Variants in LRRC61 observed in about 807,000 individuals in gnomAD.
LRRC61 encodes leucine rich repeat containing 61.
In LRRC61, 9 loss-of-function variants were observed where a neutral mutation model predicts 15.1. The observed-to-expected ratio is 0.60, with a 90% CI of 0.36 to 1.04. LRRC61 has a LOEUF of 1.04. LRRC61 is among the 50% of genes least tolerant of loss of function. The pLI, the probability that LRRC61 is intolerant of heterozygous loss-of-function variation, is 0.01. For synonymous variants in LRRC61, 173 were observed against 158.6 expected (o/e 1.09, Z -0.68); for missense variants, 344 against 335.6 (o/e 1.03, Z -0.20).
At chr7:150,314,850 G>A in the LRRC61 span, among the ~76,000 whole-genome samples, 1 of 149,764 alleles carries the variant, frequency 6.7e-6, no homozygotes, top group East Asian at 1.9e-4. Context: ...TACTCACAAG[G>A]CGGAGGCGAG....
rs1798170819 is a variant in LRRC61, at chr7:150,333,224, C to G, written c.-144-3494C>G. Among the ~76,000 whole-genome samples, 1 of 152,186 alleles carries G rather than the reference C, an allele frequency of 6.6e-6. No homozygotes were observed. Among genetic ancestry groups the G allele is most frequent in the Non-Finnish European group, 1.5e-5 (1 of 68,026 alleles). On this transcript the variant is annotated intron_variant, in intron 2 of 2. Transcript: ENST00000359623. This position sits in a 1 kb window ranked among gnomAD's most constrained non-coding sequence, Gnocchi z 4.3. ...GGAAGAGGGTGAGAGAGCTTGATGG[C>G]ACCGAACCAGGGGGCTTGGGCTCTA... is the stretch of plus-strand genomic sequence containing the variant.
At chr7:150,323,715 C>G in intron 1 of LRRC61, 155 bp downstream of exon 1, 1 of 455,556 alleles carries the variant, frequency 2.2e-6, no homozygotes, top group South Asian at 1.5e-5. Flanking sequence ...CCTTACCCAT[C>G]TCTCCCTCTG....
intron 2 of LRRC61, chr7:150,332,176 A>G (rs1357941655): frequency 6.0e-6 from 1 of 167,154 alleles, no homozygotes; most frequent in Non-Finnish European, 1.5e-5. Context: ...GGATGTGTGT[A>G]GCACACACTC....
Position 150,336,411 on chromosome 7 carries a change from G to A in LRRC61, c.-144-307G>A, listed in dbSNP as rs376534152. Among the ~76,000 whole-genome samples, 62 of 152,338 alleles carry A rather than the reference G, an allele frequency of 4.1e-4. No individual in the cohort carries two copies. The South Asian group carries it at 0.011, about 28-fold the overall frequency. On this transcript the variant is annotated intron_variant, in intron 2 of 2. Transcript: ENST00000359623. ...ATAGGGATGGATCGTGAGTGGTTAC[G>A]GAAAAAGTAAAATAATGTTTTGCCC...
rs756014690 is a variant in LRRC61 at position 150,337,033 on chromosome 7, C to T, written c.172C>T (p.Leu58=). Residue 58 remains leucine, a synonymous_variant, in exon 3 of 3, where the codon CTG becomes TTG. Transcript: ENST00000359623. ...CLGECLGLEW[L]DLSGNALTHL... is the part of the protein sequence containing the mutation. ...GGGAGAGTGCCTGGGCCTGGAGTGG[C>T]TGGACCTATCAGGCAACGCGCTCAC... is the stretch of plus-strand genomic sequence containing the variant. The T allele has an allele frequency of 3.1e-6, 5 of 1,613,530 alleles. No homozygotes were observed. Among genetic ancestry groups the T allele is most frequent in the Non-Finnish European group, 4.2e-6 (5 of 1,180,038 alleles).
intron 1 of LRRC61, among the ~76,000 whole-genome samples, chr7:150,324,038 T>C (rs1451659201): frequency 2.0e-5 from 3 of 152,210 alleles, no homozygotes; most frequent in Non-Finnish European, 4.4e-5. Context: ...GCTTAGACTT[T>C]ATAAGTAGTC....
the LRRC61 span, among the ~76,000 whole-genome samples, chr7:150,314,853 G>A: frequency 6.7e-6 from 1 of 149,872 alleles, no homozygotes; most frequent in Non-Finnish European, 1.5e-5. Context: ...TCACAAGGCG[G>A]AGGCGAGCGG....
At chr7:150,315,324 C>G in the LRRC61 span, among the ~76,000 whole-genome samples, 2 of 151,966 alleles carry the variant, frequency 1.3e-5, no homozygotes, top group Non-Finnish European at 2.9e-5. Flanking sequence ...GTGGAAACAG[C>G]AAGCTACAGC....
At chr7:150,327,209 G>A (rs1428627147) in intron 2 of LRRC61, among the ~76,000 whole-genome samples, 1 of 151,828 alleles carries the variant, frequency 6.6e-6, no homozygotes, top group East Asian at 1.9e-4. Context: ...ATCTTTCCAG[G>A]GAAAGGAGAA....
upstream of LRRC61, among the ~76,000 whole-genome samples, chr7:150,322,314 C>G (rs1301583586): frequency 3.9e-5 from 6 of 152,214 alleles, no homozygotes; most frequent in South Asian, 1.2e-3. Context: ...CAGGATGAGA[C>G]AGAAGGTTGG....
Position 150,337,196 on chromosome 7 carries a change from C to A in LRRC61, c.335C>A (p.Pro112Gln). The part of the protein sequence containing the change: ...LNAAGNLLAT[P>Q]GQLQCLAGLP... Reference sequence around the variant, plus strand: ...GCCGCAGGCAACCTACTGGCCACCCCGGGCCAGCTGCAGTGTCTGGCTGGG... The same window carrying A: ...GCCGCAGGCAACCTACTGGCCACCCAGGGCCAGCTGCAGTGTCTGGCTGGG... The change falls in exon 3 of 3, where the codon CCG (proline) becomes CAG (glutamine). Residue 112 changes from proline (P) to glutamine (Q), a missense_variant. Transcript: ENST00000359623. 1 of 1,606,920 alleles carries A rather than the reference C, an allele frequency of 6.2e-7. No individual in the cohort carries two copies. The highest frequency in any genetic ancestry group is 2.2e-5 in the East Asian group (1 of 44,876).
intron 2 of LRRC61, among the ~76,000 whole-genome samples, chr7:150,334,232 A>T (rs1398840372): frequency 6.6e-6 from 1 of 151,926 alleles, no homozygotes; most frequent in Non-Finnish European, 1.5e-5. Context: ...CTGTGGCCTC[A>T]CCTGTGCCCA....
the LRRC61 span, among the ~76,000 whole-genome samples, chr7:150,316,768 G>A: frequency 3.3e-5 from 5 of 152,244 alleles, no homozygotes; most frequent in Admixed American, 3.3e-4. Flanking sequence ...ACAGGCATGA[G>A]CCACCACGCC....
At chr7:150,325,131 C>T (rs1437386768) in intron 1 of LRRC61, among the ~76,000 whole-genome samples, 1 of 152,206 alleles carries the variant, frequency 6.6e-6, no homozygotes, top group Admixed American at 6.5e-5. Context: ...GAAAGAGGCT[C>T]ACTGTGGAGG....
the LRRC61 span, among the ~76,000 whole-genome samples, chr7:150,310,419 A>T: frequency 6.6e-6 from 1 of 152,000 alleles, no homozygotes; most frequent in South Asian, 2.1e-4. Flanking sequence ...AAGCCTACAA[A>T]TTCTCCTTAC....
At chr7:150,315,158 AATAC>A in the LRRC61 span, among the ~76,000 whole-genome samples, 23 of 149,044 alleles carry the variant, frequency 1.5e-4, no homozygotes, top group East Asian at 3.1e-3. Context: ...TTATTTTAAA[AATAC>A]ATACAAGTGA....
At chr7:150,329,495 T>A (rs950295107) in intron 2 of LRRC61, among the ~76,000 whole-genome samples, 3 of 152,064 alleles carry the variant, frequency 2.0e-5, no homozygotes, top group East Asian at 1.9e-4. Context: ...CCAGCCACAC[T>A]CTCTGCCTGT....
At chr7:150,315,654 T>C in the LRRC61 span, among the ~76,000 whole-genome samples, 3 of 151,294 alleles carry the variant, frequency 2.0e-5, no homozygotes, top group African/African-American at 4.9e-5. Flanking sequence ...ACACCCTCTT[T>C]GCCCCCTCAA....
the LRRC61 span, among the ~76,000 whole-genome samples, chr7:150,315,032 TA>T: frequency 2.7e-5 from 4 of 147,360 alleles, no homozygotes; most frequent in African/African-American, 9.8e-5. Flanking sequence ...TATTTATAAA[TA>T]ATATTAATAA....
Sources: gnomAD v4.1 joint callset for allele counts (sites outside exome capture counted in the v4.1 genomes callset) on GRCh38, gnomAD v4.1.1 for gene constraint, Gnocchi (gnomAD v3.1) non-coding constraint, MANE v1.5 for transcripts, NCBI Gene and HGNC (gene_info 2026-07-23, HGNC 2026-07-21) for gene names.